Variants in GMDS observed in about 807,000 individuals in gnomAD.
GMDS encodes the protein GDP-mannose 4,6-dehydratase, also known as GDP-mannose 4,6 dehydratase.
A neutral mutation model predicts 49.9 loss-of-function variants in GMDS; 20 were observed. That is an observed-to-expected ratio of 0.40 (90% CI 0.28 to 0.58). The LOEUF (loss-of-function observed/expected upper bound fraction) is 0.58. Ranked by LOEUF, GMDS falls within the 20% of genes least tolerant of loss-of-function variation. The pLI, the probability that GMDS is intolerant of heterozygous loss-of-function variation, is 0.42. For synonymous variants in GMDS, 177 were observed against 178.6 expected (o/e 0.99, Z 0.07); for missense variants, 362 against 481.4 (o/e 0.75, Z 2.32).
intron 9 of GMDS, among the ~76,000 whole-genome samples, chr6:1,704,875 G>A (rs114192642): frequency 0.012 from 1,849 of 150,582 alleles, 45 homozygotes; most frequent in African/African-American, 0.043. Flanking sequence ...GGGGTGAGGG[G>A]TGTGAGGGTT....
chr6:1,905,238 G>A (rs575708411), intron 7 of GMDS, among the ~76,000 whole-genome samples: 2 of 152,400 alleles, frequency 1.3e-5, no homozygotes, highest in South Asian at 2.1e-4. Context: ...GGTGCCGAGG[G>A]CACTGGCCGG....
At position 2,191,692 on chromosome 6, in the gene GMDS, G is replaced by T. The variant is rs1178024017; in HGVS notation, c.102+53629C>A. Among the ~76,000 whole-genome samples, 1 of 152,236 alleles carries T rather than the reference G, an allele frequency of 6.6e-6. No homozygotes were observed. Among genetic ancestry groups the T allele is most frequent in the East Asian group, 1.9e-4 (1 of 5,194 alleles). On this transcript the variant is annotated intron_variant, in intron 1 of 10. Coordinates refer to ENST00000380815, the MANE Select transcript of GMDS (RefSeq NM_001500.4). This position sits in a 1 kb window ranked among gnomAD's most constrained non-coding sequence, Gnocchi z 4.6. ...GCCACCTCAGCTCCCTCCAGACTCT[G>T]TGTGCTGACAAGCATGGGATGTGGA...
intron 7 of GMDS, among the ~76,000 whole-genome samples, chr6:1,767,793 T>C (rs1414447371): frequency 6.6e-6 from 1 of 152,108 alleles, no homozygotes; most frequent in African/African-American, 2.4e-5. Flanking sequence ...CTAACTAAAT[T>C]AGCATGAGAT....
At chr6:2,126,495 T>C (rs1581686381) in intron 1 of GMDS, among the ~76,000 whole-genome samples, 1 of 152,228 alleles carries the variant, frequency 6.6e-6, no homozygotes, top group East Asian at 1.9e-4. Context: ...AAACACCCTA[T>C]GGGTCCTGAA....
At chr6:1,673,691 C>A (rs951514715) in intron 9 of GMDS, among the ~76,000 whole-genome samples, 1 of 152,118 alleles carries the variant, frequency 6.6e-6, no homozygotes, top group Non-Finnish European at 1.5e-5. Flanking sequence ...CCCCTGTGCT[C>A]TTCCTCTATC....
At chr6:1,764,261 A>T (rs1768266351) in intron 7 of GMDS, among the ~76,000 whole-genome samples, 1 of 152,188 alleles carries the variant, frequency 6.6e-6, no homozygotes, top group African/African-American at 2.4e-5. Context: ...ACATGCACTC[A>T]AAACGGAGGC....
At chr6:1,758,202 C>A in intron 7 of GMDS, among the ~76,000 whole-genome samples, 1 of 152,322 alleles carries the variant, frequency 6.6e-6, no homozygotes, top group East Asian at 1.9e-4. Flanking sequence ...TGGAGAAGGC[C>A]TCCTCATTTT....
Position 2,037,087 on chromosome 6 carries a change from C to T in GMDS, c.346-76121G>A, listed in dbSNP as rs547384990. On this transcript the variant is annotated intron_variant, in intron 4 of 10. Coordinates refer to ENST00000380815, the MANE Select transcript of GMDS (RefSeq NM_001500.4). ...GACATTTCTCTAATAAAGGTAACTG[C>T]ACTTAGGGAGCTGAAGAAATGGTTC... Among the ~76,000 whole-genome samples the T allele has an allele frequency of 5.3e-5, 8 of 152,188 alleles. No homozygotes were observed. The East Asian group carries it at 5.8e-4, about 11-fold the overall frequency.
chr6:1,778,453 G>A lies in GMDS; in HGVS notation c.772-35867C>T, dbSNP rs1357255839. Among the ~76,000 whole-genome samples the A allele has an allele frequency of 1.3e-5, 2 of 152,204 alleles. No homozygotes were observed. The highest frequency in any genetic ancestry group is 4.8e-5 in the African/African-American group (2 of 41,452). ...ACGGCGGGCACTGTGCTGAGGAGTG[G>A]CCAAGGAACTGTGGAATTCAAGAGG... On this transcript the variant is annotated intron_variant, in intron 7 of 10. Transcript: ENST00000380815. The surrounding 1 kb of genome is among the most constrained non-coding windows in gnomAD (Gnocchi z 4.6).
rs143893462 is a variant in GMDS, at chr6:1,673,542, ATAT to A, written c.988-49005_988-49003del. ...TATATTTGTTATAACTGATGAACTG[ATAT>A]TATTATTACCTAAAATCCATAGATT... On this transcript the variant is annotated intron_variant, in intron 9 of 10. Transcript: ENST00000380815. Among the ~76,000 whole-genome samples, 698 of 152,126 alleles carry A rather than the reference ATAT, an allele frequency of 4.6e-3. 5 individuals are homozygous for A. The highest frequency in any genetic ancestry group is 0.015 in the African/African-American group (631 of 41,506).
intron 4 of GMDS, among the ~76,000 whole-genome samples, chr6:2,035,615 G>T (rs568071728): frequency 6.6e-6 from 1 of 152,152 alleles, no homozygotes; most frequent in Non-Finnish European, 1.5e-5. Flanking sequence ...ATTACCTATG[G>T]TCAAGTTATT....
intron 8 of GMDS, among the ~76,000 whole-genome samples, chr6:1,739,762 G>A (rs1400569360): frequency 6.6e-6 from 1 of 152,226 alleles, no homozygotes; most frequent in Non-Finnish European, 1.5e-5. Context: ...GAGGGATGGA[G>A]GCAACATCCC....
chr6:1,649,149 C>A (rs115751418), intron 9 of GMDS, among the ~76,000 whole-genome samples: 2 of 152,186 alleles, frequency 1.3e-5, no homozygotes, highest in Non-Finnish European at 2.9e-5. Flanking sequence ...AGGAATGACA[C>A]GTTAACCCTG....
chr6:2,243,118 G>A (rs1337864174), intron 1 of GMDS, among the ~76,000 whole-genome samples: 1 of 152,234 alleles, frequency 6.6e-6, no homozygotes. Context: ...AGGGAAGAAA[G>A]AAACACTGGG....
At chr6:2,053,611 G>A (rs960986456) in intron 4 of GMDS, among the ~76,000 whole-genome samples, 1 of 151,862 alleles carries the variant, frequency 6.6e-6, no homozygotes, top group African/African-American at 2.4e-5. Context: ...CATCATAATA[G>A]TTCAAATGAG....
intron 7 of GMDS, among the ~76,000 whole-genome samples, chr6:1,918,119 G>A (rs1761496951): frequency 6.6e-6 from 1 of 152,112 alleles, no homozygotes; most frequent in Non-Finnish European, 1.5e-5. Flanking sequence ...TGTTGGTGAT[G>A]GGTACAGACT....
intron 7 of GMDS, among the ~76,000 whole-genome samples, chr6:1,917,609 C>CT (rs1348529859): frequency 6.6e-6 from 1 of 152,220 alleles, no homozygotes; most frequent in Non-Finnish European, 1.5e-5. Flanking sequence ...TAATTCTTGA[C>CT]TAAAGGACAC....
intron 1 of GMDS, among the ~76,000 whole-genome samples, chr6:2,213,617 C>A (rs1014651310): frequency 1.3e-5 from 2 of 152,182 alleles, no homozygotes; most frequent in African/African-American, 2.4e-5. Context: ...GAGCAGATTG[C>A]TGGGCCGTGC....
At chr6:1,828,643 A>G (rs577066114) in intron 7 of GMDS, among the ~76,000 whole-genome samples, 156 of 152,338 alleles carry the variant, frequency 1.0e-3, no homozygotes, top group African/African-American at 3.7e-3. Context: ...TGATATATTC[A>G]AAGTGCTAAA....
Sources: allele counts gnomAD v4.1 joint callset (sites outside exome capture counted in the v4.1 genomes callset), GRCh38; gene constraint gnomAD v4.1.1; non-coding constraint Gnocchi (gnomAD v3.1); transcripts MANE v1.5; gene names NCBI Gene and HGNC (gene_info 2026-07-23, HGNC 2026-07-21).